Variants in PCDH7 observed in about 807,000 individuals in gnomAD.
PCDH7 encodes the protein protocadherin 7.
Under a neutral mutation model 58.9 loss-of-function variants are expected in PCDH7, and 17 were observed. That is an observed-to-expected ratio of 0.29 (90% CI 0.20 to 0.43). The LOEUF (loss-of-function observed/expected upper bound fraction) is 0.43. Among genes scored for constraint, PCDH7 ranks in the 20% least tolerant of loss-of-function variants. The probability of loss-of-function intolerance (pLI) is 1.00; values close to 1 mark genes in which losing one functional copy is unlikely to be tolerated. For synonymous variants in PCDH7, 664 were observed against 616.4 expected (o/e 1.08, Z -1.14); for missense variants, 1,274 against 1,441.0 (o/e 0.88, Z 1.88).
At chr4:30,953,384 G>A (rs1379229343) in intron 3 of PCDH7, among the ~76,000 whole-genome samples, 4 of 151,894 alleles carry the variant, frequency 2.6e-5, no homozygotes, top group Admixed American at 1.3e-4. Flanking sequence ...TATAGCCCCA[G>A]TCTTTCTAAT....
chr4:30,996,722 T>C (rs1466939528), intron 3 of PCDH7, among the ~76,000 whole-genome samples: 2 of 152,250 alleles, frequency 1.3e-5, no homozygotes, highest in Admixed American at 1.3e-4. Context: ...ATTGTTTTTA[T>C]AATACTGAGG....
chr4:30,944,023 C>T (rs1560522470), intron 2 of PCDH7, among the ~76,000 whole-genome samples: 1 of 151,986 alleles, frequency 6.6e-6, no homozygotes, highest in Non-Finnish European at 1.5e-5. Context: ...TTTTATTCCA[C>T]TCAATATTGA....
At chr4:31,009,669 G>T (rs1753030979) in intron 3 of PCDH7, among the ~76,000 whole-genome samples, 1 of 151,412 alleles carries the variant, frequency 6.6e-6, no homozygotes, top group Non-Finnish European at 1.5e-5. Flanking sequence ...TCTATCCTTG[G>T]TCTACACAGC....
chr4:31,134,327 G>T (rs1471425601), intron 3 of PCDH7, among the ~76,000 whole-genome samples: 3 of 152,078 alleles, frequency 2.0e-5, no homozygotes, highest in Non-Finnish European at 2.9e-5. Context: ...GGGCATGGGG[G>T]TACATCCCTG....
intron 1 of PCDH7, among the ~76,000 whole-genome samples, chr4:30,869,430 C>G (rs1735267284): frequency 6.6e-6 from 1 of 152,046 alleles, no homozygotes; most frequent in South Asian, 2.1e-4. Context: ...GCTATCCCTT[C>G]CCTAAACCCC....
Position 30,721,722 on chromosome 4 carries a change from G to A in PCDH7, c.300G>A (p.Gln100=), listed in dbSNP as rs765476814. 6.2e-7 allele frequency: 1 copy of A among 1,613,972 alleles called. No individual in the cohort carries two copies. The highest frequency in any genetic ancestry group is 8.5e-7 in the Non-Finnish European group (1 of 1,179,994). The change falls in exon 1 of 2, where the codon CAG becomes CAA. Residue 100 remains glutamine, a synonymous_variant. Coordinates refer to ENST00000361762, the Ensembl canonical transcript of PCDH7. The surrounding 1 kb of genome is among the most constrained non-coding windows in gnomAD (Gnocchi z 6.7). ...ACCGCGAGAAGCTGCCCCAGTGTCAGATGATCTTCGACGAGAACGAGTGCT... is the reference window on the plus strand; with the variant it reads ...ACCGCGAGAAGCTGCCCCAGTGTCAAATGATCTTCGACGAGAACGAGTGCT...
At chr4:30,865,028 A>G (rs1053497835) in intron 1 of PCDH7, among the ~76,000 whole-genome samples, 1 of 152,064 alleles carries the variant, frequency 6.6e-6, no homozygotes, top group Non-Finnish European at 1.5e-5. Context: ...GATGAAGCAT[A>G]TGAGAAGTAG....
chr4:30,752,783 C>CAAAAAAAAAAAAAAAAAAAAAAA (rs35860745), intron 1 of PCDH7, among the ~76,000 whole-genome samples: 1 of 99,536 alleles, frequency 1.0e-5, no homozygotes, highest in Non-Finnish European at 2.0e-5. Context: ...CCTGTAGGGG[C>CAAAAAAAAAAAAAAAAAAAAAAA]AAAAAAAAAA....
chr4:30,802,246 A>G (rs763566889), intron 1 of PCDH7, among the ~76,000 whole-genome samples: 11 of 152,186 alleles, frequency 7.2e-5, no homozygotes, highest in Non-Finnish European at 1.3e-4. Flanking sequence ...AGAAAAGGCT[A>G]TTTTATATAG....
chr4:31,002,472 A>T (rs1424131640), intron 3 of PCDH7, among the ~76,000 whole-genome samples: 1 of 152,152 alleles, frequency 6.6e-6, no homozygotes, highest in African/African-American at 2.4e-5. Flanking sequence ...AGAGTTATAG[A>T]CTCTACTTAG....
chr4:30,839,848 A>G (rs1560423274), intron 1 of PCDH7, among the ~76,000 whole-genome samples: 2 of 152,190 alleles, frequency 1.3e-5, no homozygotes, highest in Non-Finnish European at 2.9e-5. Context: ...TTTTAAAGAT[A>G]CAGTATATCT....
At chr4:31,130,462 G>T (rs1311991392) in intron 3 of PCDH7, among the ~76,000 whole-genome samples, 2 of 152,108 alleles carry the variant, frequency 1.3e-5, no homozygotes, top group African/African-American at 2.4e-5. Context: ...ATGAAATATA[G>T]GTACAAAGCA....
chr4:30,853,600 A>G (rs1389176054), intron 1 of PCDH7, among the ~76,000 whole-genome samples: 1 of 152,134 alleles, frequency 6.6e-6, no homozygotes, highest in Non-Finnish European at 1.5e-5. Flanking sequence ...ATGTTAGGGT[A>G]TCACTAAGAG....
intron 3 of PCDH7, among the ~76,000 whole-genome samples, chr4:31,139,804 C>T (rs1720031687): frequency 6.6e-6 from 1 of 152,064 alleles, no homozygotes; most frequent in South Asian, 2.1e-4. Context: ...GATTATTTTT[C>T]TAAATTTGAT....
intron 1 of PCDH7, chr4:30,884,904 G>C (rs1324014253): frequency 6.6e-6 from 1 of 152,164 alleles, no homozygotes; most frequent in African/African-American, 2.4e-5. Context: ...TTTAGTTGTA[G>C]GGTAGGAGTG....
intron 1 of PCDH7, among the ~76,000 whole-genome samples, chr4:30,741,622 A>G (rs570495067): frequency 9.8e-5 from 15 of 152,328 alleles, no homozygotes; most frequent in African/African-American, 3.6e-4. Flanking sequence ...CCTCCTTATC[A>G]TTCTTTTGAA....
chr4:31,022,512 G>A (rs61792942), intron 3 of PCDH7, among the ~76,000 whole-genome samples: 6,761 of 152,098 alleles, frequency 0.044, 361 homozygotes, highest in East Asian at 0.28. Context: ...TGAATATTTC[G>A]TACATTTCTT....
intron 3 of PCDH7, among the ~76,000 whole-genome samples, chr4:31,026,703 C>T: frequency 6.6e-6 from 1 of 152,104 alleles, no homozygotes; most frequent in South Asian, 2.1e-4. Context: ...TTTGTAACAC[C>T]TCTTATTTTT....
chr4:30,956,172 C>T (rs1305892672), intron 3 of PCDH7, among the ~76,000 whole-genome samples: 2 of 151,708 alleles, frequency 1.3e-5, no homozygotes, highest in Non-Finnish European at 2.9e-5. Context: ...CGAGATCATG[C>T]CACTGCACTC....
Sources: allele counts gnomAD v4.1 joint callset (sites outside exome capture counted in the v4.1 genomes callset), GRCh38; gene constraint gnomAD v4.1.1; non-coding constraint Gnocchi (gnomAD v3.1); transcripts MANE v1.5; gene names NCBI Gene and HGNC (gene_info 2026-07-23, HGNC 2026-07-21).